The following MGMT variants were observed in gnomAD, a reference collection of about 807,000 sequenced individuals.
MGMT encodes the protein methylated-DNA--protein-cysteine methyltransferase.
MGMT carries 14 observed loss-of-function variants against 15.9 expected under a neutral mutation model. That is an observed-to-expected ratio of 0.88 (90% CI 0.58 to 1.37). The LOEUF (loss-of-function observed/expected upper bound fraction) is 1.37. Ranked by LOEUF, MGMT falls within the 40% of genes most tolerant of loss-of-function variation. The pLI, the probability that MGMT is intolerant of heterozygous loss-of-function variation, is 0.00. For missense variants in MGMT, 282 were observed against 268.1 expected (o/e 1.05, Z -0.36); for synonymous variants, 130 against 118.2 (o/e 1.10, Z -0.65).
At chr10:129,764,539 GC>G (rs1477992135) in intron 4 of MGMT, among the ~76,000 whole-genome samples, 2 of 152,218 alleles carry the variant, frequency 1.3e-5, no homozygotes, top group Non-Finnish European at 2.9e-5. Flanking sequence ...CTGGGCACAC[GC>G]CCCCAGCTGC....
At chr10:129,657,159 G>T (rs1271059496) in intron 2 of MGMT, among the ~76,000 whole-genome samples, 1 of 152,102 alleles carries the variant, frequency 6.6e-6, no homozygotes, top group East Asian at 1.9e-4. Context: ...GGGGATTTAA[G>T]TGTGTTTACC....
intron 2 of MGMT, among the ~76,000 whole-genome samples, chr10:129,603,001 A>G (rs1411527278): frequency 2.0e-5 from 3 of 152,248 alleles, no homozygotes; most frequent in Admixed American, 2.0e-4. Flanking sequence ...TCAGGCAACT[A>G]TACGAACCTA....
intron 2 of MGMT, among the ~76,000 whole-genome samples, chr10:129,549,819 C>T (rs536789718): frequency 3.1e-4 from 47 of 152,254 alleles, no homozygotes; most frequent in African/African-American, 8.9e-4. Context: ...CAAAGCGTTA[C>T]GGGGATTGTT....
intron 2 of MGMT, among the ~76,000 whole-genome samples, chr10:129,623,087 C>CT (rs1292654782): frequency 1.3e-5 from 2 of 152,228 alleles, no homozygotes; most frequent in Non-Finnish European, 2.9e-5. Context: ...TTCACTACTC[C>CT]TTAGTGGCTG....
In MGMT at chr10:129,768,472, G is replaced by C. The variant is rs755300788; in HGVS notation, c.*1475G>C. Among the ~76,000 whole-genome samples, 1 of 152,236 alleles carries C rather than the reference G, an allele frequency of 6.6e-6. No individual in the cohort carries two copies. Among genetic ancestry groups the C allele is most frequent in the Non-Finnish European group, 1.5e-5 (1 of 68,034 alleles). ...CTCAGGTGCCGCACGCCGCGTCACC[G>C]TCAGGACTCGCAGGCTGTCTGGTCA... On this transcript the variant is annotated 3_prime_UTR_variant, in exon 5 of 5. Transcript: ENST00000651593.
At chr10:129,653,111 G>T (rs1157798163) in intron 2 of MGMT, among the ~76,000 whole-genome samples, 1 of 152,130 alleles carries the variant, frequency 6.6e-6, no homozygotes, top group African/African-American at 2.4e-5. Context: ...GAGAAACATG[G>T]TCCGGGTTAT....
chr10:129,578,411 T>A (rs1012400033), intron 2 of MGMT, among the ~76,000 whole-genome samples: 2 of 152,110 alleles, frequency 1.3e-5, no homozygotes, highest in African/African-American at 4.8e-5. Context: ...GAAACCATCA[T>A]TCTCAGCAAA....
At chr10:129,718,085 C>T (rs920372280) in intron 3 of MGMT, among the ~76,000 whole-genome samples, 5 of 152,184 alleles carry the variant, frequency 3.3e-5, no homozygotes, top group African/African-American at 4.8e-5. Flanking sequence ...ACGACCCCAA[C>T]GTGGGGACAC....
rs533261177 is a variant in MGMT at position 129,770,050 on chromosome 10, G to C, written c.*3053G>C. 1.3e-5 allele frequency among the ~76,000 whole-genome samples: 2 copies of C among 152,088 alleles called. No individual in the cohort carries two copies. Among genetic ancestry groups the C allele is most frequent in the Non-Finnish European group, 2.9e-5 (2 of 68,022 alleles). On this transcript the variant is annotated 3_prime_UTR_variant, in exon 5 of 5. Coordinates refer to ENST00000651593, the MANE Select transcript of MGMT (RefSeq NM_002412.5). ...AGAAACAGCTTACTGAACACCCCTC[G>C]GGTGGCTGGATGATGTGCTAGCAAC...
chr10:129,634,250 T>C lies in MGMT; in HGVS notation c.126-73645T>C, dbSNP rs555496756. Reference sequence around the variant, plus strand: ...CTTTTTGTGCCTCTGTGTGACATGATTTTTTCCTCTGGTAGGTTGTAAGGC... The same window carrying C: ...CTTTTTGTGCCTCTGTGTGACATGACTTTTTCCTCTGGTAGGTTGTAAGGC... On this transcript the variant is annotated intron_variant, in intron 2 of 4. Coordinates refer to ENST00000651593, the MANE Select transcript of MGMT (RefSeq NM_002412.5). Among the ~76,000 whole-genome samples the C allele has an allele frequency of 2.3e-3, 353 of 152,324 alleles. 1 individual carries two copies. Among genetic ancestry groups the C allele is most frequent in the African/African-American group, 8.0e-3 (333 of 41,570 alleles).
chr10:129,741,560 G>A (rs1011743563), intron 3 of MGMT, among the ~76,000 whole-genome samples: 5 of 152,158 alleles, frequency 3.3e-5, no homozygotes, highest in Admixed American at 2.6e-4. Flanking sequence ...ATGTTTATAC[G>A]AGAGTCTCTG....
intron 3 of MGMT, among the ~76,000 whole-genome samples, chr10:129,735,992 A>G (rs1402042660): frequency 1.1e-5 from 1 of 88,874 alleles, no homozygotes; most frequent in East Asian, 3.4e-4. Context: ...TATGTGGTCA[A>G]TTTTGGAATA....
chr10:129,687,785 T>C (rs1006536947), intron 2 of MGMT, among the ~76,000 whole-genome samples: 3 of 151,846 alleles, frequency 2.0e-5, no homozygotes, highest in Admixed American at 6.6e-5. Context: ...GCCATGTTGG[T>C]GTGCTGCACC....
intron 1 of MGMT, among the ~76,000 whole-genome samples, chr10:129,508,258 G>A (rs1845645119): frequency 6.6e-6 from 1 of 152,202 alleles, no homozygotes; most frequent in South Asian, 2.1e-4. Context: ...AGCCGCCATA[G>A]AGATAGCTTT....
At chr10:129,562,147 A>G (rs1846287678) in intron 2 of MGMT, among the ~76,000 whole-genome samples, 1 of 152,200 alleles carries the variant, frequency 6.6e-6, no homozygotes, top group African/African-American at 2.4e-5. Context: ...GACTTGTTGT[A>G]AAAAATTATA....
At chr10:129,683,537 T>C (rs1354162231) in intron 2 of MGMT, among the ~76,000 whole-genome samples, 1 of 152,162 alleles carries the variant, frequency 6.6e-6, no homozygotes, top group Non-Finnish European at 1.5e-5. Context: ...GAAAACTTCC[T>C]GACGTTGATC....
chr10:129,685,467 GCCTCCTCGACCCTCCA>G (rs1847894659), intron 2 of MGMT, among the ~76,000 whole-genome samples: 1 of 152,088 alleles, frequency 6.6e-6, no homozygotes, highest in African/African-American at 2.4e-5. Flanking sequence ...CCACCTCCTG[GCCTCCTCGACCCTCCA>G]CCTCCCCGAG....
rs74162155 is a variant in MGMT at position 129,468,307 on chromosome 10, G to A, written c.-13+1011G>A. 9.4e-3 allele frequency among the ~76,000 whole-genome samples: 1,424 copies of A among 152,260 alleles called. 21 individuals are homozygous for A. Among genetic ancestry groups the A allele is most frequent in the African/African-American group, 0.033 (1,381 of 41,528 alleles). Reference sequence around the variant, plus strand: ...CCAAAGCTTAGCGCACCTGGTGGGTGGGGGTGTGAAAACTTTGAAGGAAAC... The same window carrying A: ...CCAAAGCTTAGCGCACCTGGTGGGTAGGGGTGTGAAAACTTTGAAGGAAAC... On this transcript the variant is annotated intron_variant, in intron 1 of 4. Coordinates refer to ENST00000651593, the MANE Select transcript of MGMT (RefSeq NM_002412.5).
At chr10:129,649,306 T>G (rs1000038397) in intron 2 of MGMT, among the ~76,000 whole-genome samples, 1 of 152,166 alleles carries the variant, frequency 6.6e-6, no homozygotes, top group South Asian at 2.1e-4. Context: ...GACCACTTTT[T>G]GTGATTGATG....
Sources: gnomAD v4.1 joint callset for allele counts (sites outside exome capture counted in the v4.1 genomes callset) on GRCh38, gnomAD v4.1.1 for gene constraint, MANE v1.5 for transcripts, NCBI Gene and HGNC (gene_info 2026-07-23, HGNC 2026-07-21) for gene names.